Variants in MTCL1 observed in about 807,000 individuals in gnomAD.
The protein encoded by MTCL1 is microtubule cross-linking factor 1.
MTCL1 carries 79 observed loss-of-function variants against 141.4 expected under a neutral mutation model. The ratio of observed to expected loss-of-function variants is 0.56; its 90% CI spans 0.47 to 0.67. MTCL1 has a LOEUF of 0.67. MTCL1 is among the 30% of genes least tolerant of loss of function. The pLI is 0.00. For missense variants in MTCL1, 2,177 were observed against 2,113.9 expected (o/e 1.03, Z -0.59); for synonymous variants, 914 against 875.8 (o/e 1.04, Z -0.77).
upstream of MTCL1, among the ~76,000 whole-genome samples, chr18:8,714,953 C>G (rs1002683663): frequency 2.0e-5 from 3 of 152,088 alleles, no homozygotes; most frequent in South Asian, 2.1e-4. Flanking sequence ...CCCGCCACCA[C>G]GCCTGGCTAA....
chr18:8,775,352 C>CTTTAGGAGG (rs2096502498), intron 4 of MTCL1, among the ~76,000 whole-genome samples: 1 of 150,982 alleles, frequency 6.6e-6, no homozygotes, highest in African/African-American at 2.4e-5. Flanking sequence ...AGGTGGATCA[C>CTTTAGGAGG]CTGAGGTCAG....
chr18:8,793,058 C>T (rs2075790873), exon 8 of MTCL1: 1 of 1,614,192 alleles, frequency 6.2e-7, no homozygotes, highest in Non-Finnish European at 8.5e-7. Context: ...ACAGGGTCAG[C>T]TCGTGCAGGC....
intron 16 of MTCL1, chr18:8,829,583 A>C: frequency 1.0e-6 from 1 of 985,230 alleles, no homozygotes; most frequent in Non-Finnish European, 1.2e-6. Context: ...AATTGCTTTC[A>C]GAGTCTGAGT....
intron 7 of MTCL1, among the ~76,000 whole-genome samples, chr18:8,788,028 A>G (rs1337399166): frequency 2.0e-5 from 3 of 152,138 alleles, no homozygotes; most frequent in Non-Finnish European, 4.4e-5. Context: ...CAGAACTCTT[A>G]AAAGCCTTTT....
intron 4 of MTCL1, among the ~76,000 whole-genome samples, chr18:8,751,484 G>A (rs911992729): frequency 2.6e-5 from 4 of 152,150 alleles, no homozygotes; most frequent in African/African-American, 9.7e-5. Context: ...GTATTGTTTT[G>A]GGACAAGATA....
In MTCL1 at chr18:8,729,673, AATATATATATATATATAT is replaced by A. The variant is rs3051533; in HGVS notation, c.357+9220_357+9237del. Among the ~76,000 whole-genome samples the A allele has an allele frequency of 5.1e-4, 67 of 131,570 alleles. 1 individual carries two copies. The highest frequency in any genetic ancestry group is 6.5e-4 in the East Asian group (3 of 4,646). 86.3% of individuals were successfully genotyped at this position (131,570 alleles called of 152,430 possible). On this transcript the variant is annotated intron_variant, in intron 4 of 16. Transcript: ENST00000359865. ...CTCACTTTGGCTTCCCAAGAAGACAAATATATATATATATATATATATATATATATATATATATATATA... is the reference window on the plus strand; with the variant it reads ...CTCACTTTGGCTTCCCAAGAAGACAAATATATATATATATATATATATATA...
At chr18:8,734,283 A>G (rs1446707751) in intron 4 of MTCL1, among the ~76,000 whole-genome samples, 2 of 152,020 alleles carry the variant, frequency 1.3e-5, no homozygotes, top group Non-Finnish European at 2.9e-5. Context: ...GGGAAGAGTC[A>G]TCGCTTGACC....
chr18:8,717,168 T>C (rs973282673), upstream of MTCL1, among the ~76,000 whole-genome samples: 3 of 152,092 alleles, frequency 2.0e-5, no homozygotes, highest in African/African-American at 7.2e-5. Context: ...ACAAGCTTGC[T>C]CCCCTCTGAA....
intron 4 of MTCL1, among the ~76,000 whole-genome samples, chr18:8,728,253 C>T (rs923348422): frequency 6.6e-6 from 1 of 152,128 alleles, no homozygotes; most frequent in Non-Finnish European, 1.5e-5. Flanking sequence ...AGTGTTACTT[C>T]TCTGAGTTCA....
intron 4 of MTCL1, among the ~76,000 whole-genome samples, chr18:8,771,751 C>T (rs1187999060): frequency 6.6e-6 from 1 of 152,156 alleles, no homozygotes; most frequent in Non-Finnish European, 1.5e-5. Flanking sequence ...TAGATGGATT[C>T]AATTTGGATT....
At chr18:8,761,374 T>A (rs1425603827) in intron 4 of MTCL1, among the ~76,000 whole-genome samples, 3 of 152,246 alleles carry the variant, frequency 2.0e-5, no homozygotes, top group Non-Finnish European at 4.4e-5. Context: ...TTAACCTTTT[T>A]AAAGCACCAA....
chr18:8,800,192 T>C (rs1395131386), intron 10 of MTCL1, among the ~76,000 whole-genome samples: 1 of 152,180 alleles, frequency 6.6e-6, no homozygotes, highest in Non-Finnish European at 1.5e-5. Context: ...GCATGAGTAT[T>C]AGCCAGGCAG....
chr18:8,727,371 C>T (rs1444211256), intron 4 of MTCL1, among the ~76,000 whole-genome samples: 1 of 152,140 alleles, frequency 6.6e-6, no homozygotes, highest in Non-Finnish European at 1.5e-5. Flanking sequence ...ATTCCCTATA[C>T]TGTTTTCCAT....
chr18:8,798,181 G>A (rs1173914234), exon 10 of MTCL1: 4 of 1,599,364 alleles, frequency 2.5e-6, no homozygotes, highest in African/African-American at 2.7e-5. Context: ...CCACGACAGT[G>A]ACCGAGGCTG....
At chr18:8,818,160 C>A (rs1024265288) in intron 12 of MTCL1, among the ~76,000 whole-genome samples, 4 of 152,196 alleles carry the variant, frequency 2.6e-5, no homozygotes, top group African/African-American at 4.8e-5. Flanking sequence ...GTGCACAACC[C>A]ATCTTACAGA....
At chr18:8,775,320 C>T (rs1338596063) in intron 4 of MTCL1, among the ~76,000 whole-genome samples, 1 of 151,606 alleles carries the variant, frequency 6.6e-6, no homozygotes, top group African/African-American at 2.4e-5. Flanking sequence ...CCTGTAATCC[C>T]AGCACTTTAG....
intron 4 of MTCL1, among the ~76,000 whole-genome samples, chr18:8,743,632 CTCTT>C (rs2148919255): frequency 6.6e-6 from 1 of 152,354 alleles, no homozygotes; most frequent in Non-Finnish European, 1.5e-5. Flanking sequence ...GGCTCATGCC[CTCTT>C]TCTTCATCTT....
intron 4 of MTCL1, among the ~76,000 whole-genome samples, chr18:8,765,635 C>T (rs911020207): frequency 2.0e-5 from 3 of 152,212 alleles, no homozygotes; most frequent in Non-Finnish European, 4.4e-5. Context: ...TGCAGCTACT[C>T]GGGCAAGCCA....
At chr18:8,711,352 G>A (rs1391809994) in intron 1 of MTCL1, among the ~76,000 whole-genome samples, 10 of 148,986 alleles carry the variant, frequency 6.7e-5, no homozygotes, top group South Asian at 2.2e-4. Flanking sequence ...ATAAACATAC[G>A]TGTGCATGTG....
Sources: gnomAD v4.1 joint callset for allele counts (sites outside exome capture counted in the v4.1 genomes callset) on GRCh38, gnomAD v4.1.1 for gene constraint, MANE v1.5 for transcripts, NCBI Gene and HGNC (gene_info 2026-07-23, HGNC 2026-07-21) for gene names.